Variants in TBC1D9 observed in about 807,000 individuals in gnomAD.
TBC1D9 encodes TBC1 domain family member 9, also known as TBC1 domain family member 9A.
Under a neutral mutation model 132.0 loss-of-function variants are expected in TBC1D9, and 63 were observed. The ratio of observed to expected loss-of-function variants is 0.48; its 90% confidence interval spans 0.39 to 0.59. TBC1D9 has a LOEUF of 0.59. Ranked by LOEUF, TBC1D9 falls within the 20% of genes least tolerant of loss-of-function variation. The pLI is 0.00. For synonymous variants in TBC1D9, 610 were observed against 609.9 expected, an observed-to-expected ratio of 1.00 and a Z score of 0.00; for missense variants, 1,261 against 1,592.7, an observed-to-expected ratio of 0.79 and a Z score of 3.54.
intron 16 of TBC1D9, among the ~76,000 whole-genome samples, chr4:140,633,564 C>T (rs1245379257): frequency 6.6e-6 from 1 of 152,076 alleles, no homozygotes; most frequent in Non-Finnish European, 1.5e-5. Flanking sequence ...TATGAAATTA[C>T]ATATAAAATT....
At chr4:140,690,906 C>A (rs923919108) in intron 2 of TBC1D9, among the ~76,000 whole-genome samples, 2 of 152,142 alleles carry the variant, frequency 1.3e-5, no homozygotes, top group South Asian at 4.1e-4. Flanking sequence ...AAGACAAACA[C>A]TATCAGTAAA....
At chr4:140,729,818 C>CAA (rs35283552) in intron 1 of TBC1D9, among the ~76,000 whole-genome samples, 16,063 of 51,880 alleles carry the variant, frequency 0.31, 4,950 homozygotes, top group East Asian at 0.58. Context: ...GATTCCATCT[C>CAA]AAAAAAAAAA....
At chr4:140,694,058 A>G (rs555903460) in intron 2 of TBC1D9, among the ~76,000 whole-genome samples, 31 of 152,198 alleles carry the variant, frequency 2.0e-4, no homozygotes, top group African/African-American at 7.5e-4. Context: ...TAACTTGTTT[A>G]TTTTTGCTAT....
intron 1 of TBC1D9, among the ~76,000 whole-genome samples, chr4:140,732,046 C>T (rs988162579): frequency 2.6e-5 from 4 of 152,172 alleles, no homozygotes; most frequent in Non-Finnish European, 5.9e-5. Flanking sequence ...TTTCTAAGTG[C>T]ACAATGCCCA....
chr4:140,745,673 T>G (rs1738826347), intron 1 of TBC1D9, among the ~76,000 whole-genome samples: 1 of 152,232 alleles, frequency 6.6e-6, no homozygotes, highest in Admixed American at 6.5e-5. Context: ...ACTGTTAATG[T>G]TATCAGTAAG....
intron 20 of TBC1D9, among the ~76,000 whole-genome samples, chr4:140,623,535 A>C (rs2110961011): frequency 6.6e-6 from 1 of 152,236 alleles, no homozygotes; most frequent in African/African-American, 2.4e-5. Context: ...ATCTTAAGGA[A>C]ATCCGAGACT....
In TBC1D9 at chr4:140,678,964, TAGG is replaced by T. The variant is rs775914286; in HGVS notation, c.826_828del (p.Pro276del). 2.2e-5 allele frequency: 36 copies of T among 1,613,962 alleles called. No individual in the cohort carries two copies. The highest frequency in any genetic ancestry group is 2.9e-5 in the Non-Finnish European group (34 of 1,179,836). On this transcript the variant is annotated inframe_deletion, in exon 5 of 21. Coordinates refer to ENST00000442267, the MANE Select transcript of TBC1D9 (RefSeq NM_015130.3). ...CACCGTTTTAGAGCAGACACTTTTT[TAGG>T]AGATTTCCTTTTGAGTTTGGGCAGG...
chr4:140,728,342 G>A (rs1418083713), intron 1 of TBC1D9, among the ~76,000 whole-genome samples: 1 of 149,246 alleles, frequency 6.7e-6, no homozygotes, highest in Non-Finnish European at 1.5e-5. Context: ...AAAATAAACA[G>A]AATTCTCTCA....
At chr4:140,708,374 A>T (rs775459039) in intron 1 of TBC1D9, among the ~76,000 whole-genome samples, 1 of 152,184 alleles carries the variant, frequency 6.6e-6, no homozygotes, top group Non-Finnish European at 1.5e-5. Flanking sequence ...TTCAGAAGTA[A>T]TTTGTTACTT....
At chr4:140,666,375 G>T (rs528653491) in intron 9 of TBC1D9, among the ~76,000 whole-genome samples, 1 of 152,202 alleles carries the variant, frequency 6.6e-6, no homozygotes, top group East Asian at 1.9e-4. Flanking sequence ...TTGCTCTTTC[G>T]CCCAGGCCGG....
chr4:140,721,135 T>G (rs1241902889), intron 1 of TBC1D9, among the ~76,000 whole-genome samples: 5 of 152,092 alleles, frequency 3.3e-5, no homozygotes, highest in Admixed American at 3.3e-4. Context: ...TGCAGCGGGG[T>G]CTGGGGAACA....
chr4:140,756,108 G>T lies in TBC1D9; in HGVS notation c.-63C>A. ...TGGGTCCAGTCCTGCACCCACCACC[G>T]CGACAGGCGCGCACTCCTGGGCACA... On this transcript the variant is annotated 5_prime_UTR_variant, in exon 1 of 21. Coordinates refer to ENST00000442267, the MANE Select transcript of TBC1D9 (RefSeq NM_015130.3). This position sits in a 1 kb window ranked among gnomAD's most constrained non-coding sequence, Gnocchi z 5.6. The T allele has an allele frequency of 7.0e-7, 1 of 1,436,170 alleles. No homozygotes were observed. Among genetic ancestry groups the T allele is most frequent in the Non-Finnish European group, 9.3e-7 (1 of 1,070,160 alleles). The allele number at this position is 1,436,170 out of a possible 1,614,324, so 89.0% of individuals were successfully genotyped here. A position where few individuals can be genotyped will look rare whatever the true frequency, so the allele number is the denominator to read the frequency against.
intron 10 of TBC1D9, among the ~76,000 whole-genome samples, chr4:140,661,285 AG>A (rs1737357461): frequency 6.6e-6 from 1 of 152,224 alleles, no homozygotes; most frequent in South Asian, 2.1e-4. Context: ...CCAGTACAAG[AG>A]ATGACTTTTG....
At chr4:140,721,584 T>C (rs140004641) in intron 1 of TBC1D9, among the ~76,000 whole-genome samples, 5 of 152,306 alleles carry the variant, frequency 3.3e-5, no homozygotes, top group Admixed American at 2.0e-4. Flanking sequence ...AGAGGAATAA[T>C]TGGACTTTCT....
chr4:140,640,495 A>G (rs1736970025), intron 13 of TBC1D9, among the ~76,000 whole-genome samples: 1 of 151,736 alleles, frequency 6.6e-6, no homozygotes, highest in African/African-American at 2.4e-5. Context: ...GTGGTCTTGT[A>G]CCTGTGAAGA....
chr4:140,703,221 G>C (rs569718787), intron 1 of TBC1D9, among the ~76,000 whole-genome samples: 1 of 152,308 alleles, frequency 6.6e-6, no homozygotes, highest in African/African-American at 2.4e-5. Context: ...AAGCAGCAAA[G>C]CTCAGTGCCA....
intron 15 of TBC1D9, among the ~76,000 whole-genome samples, chr4:140,635,796 G>A (rs1736870394): frequency 6.6e-6 from 1 of 151,880 alleles, no homozygotes; most frequent in Admixed American, 6.6e-5. Flanking sequence ...GTGGGCTTTG[G>A]GACTGCATTC....
intron 13 of TBC1D9, among the ~76,000 whole-genome samples, chr4:140,640,538 C>T (rs1736970749): frequency 6.6e-6 from 1 of 151,950 alleles, no homozygotes; most frequent in South Asian, 2.1e-4. Flanking sequence ...GTGAGGGAGG[C>T]CCCCTTGGGA....
In TBC1D9 at chr4:140,669,681, T is replaced by C. The variant is rs750896783; in HGVS notation, c.1390A>G (p.Met464Val). The C allele has an allele frequency of 6.2e-7, 1 of 1,613,846 alleles. No homozygotes were observed. The highest frequency in any genetic ancestry group is 8.5e-7 in the Non-Finnish European group (1 of 1,179,848). ...GGAGACCGCCGCCGATACATGGTCA[T>C]CAGGGTCTGTGTGGCTGTGGGGACG... Reference protein sequence around the residue: ...NSVPTATQTLMTMYRRRSPEE... With the variant: ...NSVPTATQTLVTMYRRRSPEE... The change falls in exon 8 of 21, where the codon ATG becomes GTG. Residue 464 changes from methionine (M) to valine (V), a missense_variant. By Grantham distance (21) the Met-to-Val change is conservative. Transcript: ENST00000442267.
Sources: gnomAD v4.1 joint callset for allele counts (sites outside exome capture counted in the v4.1 genomes callset) on GRCh38, gnomAD v4.1.1 for gene constraint, Gnocchi (gnomAD v3.1) non-coding constraint, MANE v1.5 for transcripts, NCBI Gene and HGNC (gene_info 2026-07-23, HGNC 2026-07-21) for gene names.